The following RNF213 variants were observed in gnomAD, a reference collection of about 807,000 sequenced individuals.
The protein encoded by RNF213 is ring finger protein 213, also known as E3 ubiquitin-protein ligase RNF213.
A neutral mutation model predicts 514.4 loss-of-function variants in RNF213; 341 were observed. The ratio of observed to expected loss-of-function variants is 0.66; its 90% CI spans 0.61 to 0.73. RNF213 has a LOEUF of 0.73. RNF213 is among the 30% of genes least tolerant of loss of function. The pLI, the probability that RNF213 is intolerant of heterozygous loss-of-function variation, is 0.00. For missense variants in RNF213, 5,767 were observed against 6,615.6 expected, an observed-to-expected ratio of 0.87 and a Z score of 4.45; for synonymous variants, 2,655 against 2,658.2, an observed-to-expected ratio of 1.00 and a Z score of 0.04.
In RNF213 at chr17:80,334,089, G is replaced by C; in HGVS notation, c.4144-16G>C. ...GGTTAATGAGTTCCAGTCCACAGTA[G>C]AGCTTTTTCTTGCAGACTGATAACT... On this transcript the variant is annotated splice_polypyrimidine_tract_variant and intron_variant, in intron 21 of 67. Coordinates refer to ENST00000582970, the MANE Select transcript of RNF213 (RefSeq NM_001256071.3). The C allele has an allele frequency of 6.5e-7, 1 of 1,537,124 alleles. No homozygotes were observed. Among genetic ancestry groups the C allele is most frequent in the African/African-American group, 1.4e-5 (1 of 73,156 alleles).
At chr17:80,310,631 C>T (rs967378672) in intron 14 of RNF213, among the ~76,000 whole-genome samples, 2 of 152,018 alleles carry the variant, frequency 1.3e-5, no homozygotes, top group South Asian at 4.2e-4. Flanking sequence ...CGGCTCACCA[C>T]AACCTCCGCC....
chr17:80,386,841 C>T lies in RNF213; in HGVS notation c.14872C>T (p.Arg4958Trp), dbSNP rs1048620695. The T allele has an allele frequency of 5.0e-6, 8 of 1,614,066 alleles. No homozygotes were observed. The highest frequency in any genetic ancestry group is 6.8e-6 in the Non-Finnish European group (8 of 1,180,030). ...GGAGTTCGATCTGGAGAAGATTCAG[C>T]GGCAGATCGTCAGCCGCTTCCTCCA... ...VQEFDLEKIQ[R>W]QIVSRFLQGK... Residue 4958 changes from arginine to tryptophan, a missense_variant, in exon 63 of 68, where the codon CGG becomes TGG. Around this residue, in one of 13 missense-constraint regions of RNF213, gnomAD observed 1,245 missense variants for 1,339.0 expected, o/e 0.93. Transcript: ENST00000582970.
chr17:80,290,381 ACG>A (rs1462135251), intron 6 of RNF213, among the ~76,000 whole-genome samples, 187 bp from the exon 7 acceptor site: 3 of 143,952 alleles, frequency 2.1e-5, no homozygotes, highest in African/African-American at 7.8e-5. Flanking sequence ...GAGTGCGTGC[ACG>A]TGTGTGCGTG....
chr17:80,294,670 C>T (rs1051709284), intron 8 of RNF213, 50 bp from the exon 9 acceptor site: 4 of 1,606,930 alleles, frequency 2.5e-6, no homozygotes, highest in African/African-American at 1.3e-5. Flanking sequence ...TCTAGGTCTC[C>T]AGGGTTTTGA....
Position 80,376,923 on chromosome 17 carries a change from A to C in RNF213, c.13470A>C (p.Gln4490His). 1 of 1,614,124 alleles carries C rather than the reference A, an allele frequency of 6.2e-7. No individual in the cohort carries two copies. Among genetic ancestry groups the C allele is most frequent in the Non-Finnish European group, 8.5e-7 (1 of 1,180,026 alleles). ...CCATGCCTGAAGACTTGCTGGCTCAAGCTCGGAGGTGGAAGGGTCTGGAGC... is the reference window on the plus strand; with the variant it reads ...CCATGCCTGAAGACTTGCTGGCTCACGCTCGGAGGTGGAAGGGTCTGGAGC... The part of the protein sequence containing the change: ...LPTMPEDLLA[Q>H]ARRWKGLERV... The change falls in exon 53 of 68, where the codon CAA becomes CAC. Residue 4490 changes from glutamine to histidine, a missense_variant. Gln to His is a conservative substitution (Grantham distance 24). Transcript: ENST00000582970.
Position 80,317,097 on chromosome 17 carries a change from T to G in RNF213, c.2812-91T>G. 3 of 1,384,218 alleles carry G rather than the reference T, an allele frequency of 2.2e-6. No homozygotes were observed. The highest frequency in any genetic ancestry group is 3.0e-6 in the Non-Finnish European group (3 of 988,242). The allele number at this position is 1,384,218 out of a possible 1,614,324, so 85.7% of individuals were successfully genotyped here. A position where few individuals can be genotyped will look rare whatever the true frequency, so the allele number is the denominator to read the frequency against. On this transcript the variant is annotated intron_variant, in intron 15 of 67. Coordinates refer to ENST00000582970, the MANE Select transcript of RNF213 (RefSeq NM_001256071.3). The surrounding 1 kb of genome is among the most constrained non-coding windows in gnomAD (Gnocchi z 4.1). ...TTCGCGGAGTCCCGCGCTCTCTGTA[T>G]TGCCGTAATGCTCTGTCTTTCTCCT...
chr17:80,323,265 A>G (rs1388733657), intron 17 of RNF213, among the ~76,000 whole-genome samples: 1 of 152,208 alleles, frequency 6.6e-6, no homozygotes, highest in African/African-American at 2.4e-5. Flanking sequence ...TTGTGTCAGT[A>G]CCACACTGTT....
At chr17:80,381,500 C>G (rs373045873) in intron 56 of RNF213, 47 bp from the exon 57 acceptor site, 24 of 1,604,126 alleles carry the variant, frequency 1.5e-5, no homozygotes, top group Non-Finnish European at 2.0e-5. Context: ...ACCATCTTCT[C>G]TACAAACCAG....
chr17:80,284,221 G>A (rs563091255), intron 3 of RNF213, among the ~76,000 whole-genome samples: 2 of 152,026 alleles, frequency 1.3e-5, no homozygotes, highest in Non-Finnish European at 2.9e-5. Context: ...AAAATTAGCC[G>A]GGCATGATGG....
intron 22 of RNF213, among the ~76,000 whole-genome samples, chr17:80,335,653 G>C (rs953873297): frequency 6.6e-6 from 1 of 152,160 alleles, no homozygotes; most frequent in African/African-American, 2.4e-5. Flanking sequence ...AATTGCTCAG[G>C]AACGGCAAGA....
Position 80,272,723 on chromosome 17 carries a change from G to A in RNF213, c.98-518G>A, listed in dbSNP as rs184401645. The stretch of plus-strand genomic sequence containing the variant: ...AGTGAGTGTGGGGCTGGCAGAGTGG[G>A]TGCTCCATGCTGTCTGCATGGCAGC... On this transcript the variant is annotated intron_variant, in intron 2 of 67. Coordinates refer to ENST00000582970, the MANE Select transcript of RNF213 (RefSeq NM_001256071.3). Among the ~76,000 whole-genome samples the A allele has an allele frequency of 2.1e-3, 314 of 152,266 alleles. 3 individuals carry two copies. The highest frequency in any genetic ancestry group is 6.9e-3 in the African/African-American group (287 of 41,554).
At chr17:80,369,070 C>G (rs931346176) in intron 44 of RNF213, among the ~76,000 whole-genome samples, 1 of 152,124 alleles carries the variant, frequency 6.6e-6, no homozygotes, top group African/African-American at 2.4e-5. Context: ...CTAGCTCTAA[C>G]GGGTGAGAGG....
At chr17:80,265,697 C>T (rs1598875016) in intron 2 of RNF213, among the ~76,000 whole-genome samples, 1 of 152,166 alleles carries the variant, frequency 6.6e-6, no homozygotes, top group African/African-American at 2.4e-5. Flanking sequence ...TGTAGAAAAT[C>T]GAGCACCAGC....
rs1245524478 is a variant in RNF213 at position 80,396,930 on chromosome 17, G to C, written c.*3432G>C. 6.6e-6 allele frequency: 1 copy of C among 152,174 alleles called. No homozygotes were observed. Among genetic ancestry groups the C allele is most frequent in the African/African-American group, 2.4e-5 (1 of 41,402 alleles). 9.4% of individuals were successfully genotyped at this position (152,174 alleles called of 1,614,324 possible). On this transcript the variant is annotated 3_prime_UTR_variant, in exon 68 of 68. Coordinates refer to ENST00000582970, the MANE Select transcript of RNF213 (RefSeq NM_001256071.3). ...GCTCCACCAGGCTGCCCCTGCTCAGGTGCTCCACAGCCCATAAAAAACGCC... is the reference window on the plus strand; with the variant it reads ...GCTCCACCAGGCTGCCCCTGCTCAGCTGCTCCACAGCCCATAAAAAACGCC...
chr17:80,334,223 T>C lies in RNF213; in HGVS notation c.4262T>C (p.Leu1421Pro). 1 of 1,537,272 alleles carries C rather than the reference T, an allele frequency of 6.5e-7. No homozygotes were observed. Residue 1421 changes from leucine to proline, a missense_variant, in exon 22 of 68, where the codon CTG (leucine) becomes CCG (proline). By Grantham distance (98) the Leu-to-Pro change is moderately conservative (BLOSUM62 -3). Around this residue, in one of 13 missense-constraint regions of RNF213, gnomAD observed 516 missense variants for 566.5 expected, o/e 0.91. Coordinates refer to ENST00000582970, the MANE Select transcript of RNF213 (RefSeq NM_001256071.3). ...SEARCKGLQA[L>P]SLRKEFICWV... ...GCCCGGTGCAAGGGGCTGCAGGCTC[T>C]GTCCCTGAGAAAGGAGTTCATCTGC...
In RNF213 at chr17:80,395,046, C is replaced by A. The variant is rs1030757348; in HGVS notation, c.*1548C>A. The A allele has an allele frequency of 1.3e-5, 2 of 152,176 alleles. No individual in the cohort carries two copies. The highest frequency in any genetic ancestry group is 2.9e-5 in the Non-Finnish European group (2 of 68,034). The allele number at this position is 152,176 out of a possible 1,614,324, so 9.4% of individuals were successfully genotyped here. On this transcript the variant is annotated 3_prime_UTR_variant, in exon 68 of 68. Coordinates refer to ENST00000582970, the MANE Select transcript of RNF213 (RefSeq NM_001256071.3). Reference sequence around the variant, plus strand: ...GCAGCTCACACCCAGACTCACTGGCCACACCTCAGCAGGGGGGGAGTCGAG... The same window carrying A: ...GCAGCTCACACCCAGACTCACTGGCAACACCTCAGCAGGGGGGGAGTCGAG...
chr17:80,330,003 GTCA>G (rs2046371136), intron 20 of RNF213, among the ~76,000 whole-genome samples: 1 of 152,174 alleles, frequency 6.6e-6, no homozygotes, highest in South Asian at 2.1e-4. Context: ...TCATCTAACT[GTCA>G]TCATTTTTCT....
chr17:80,383,985 C>A (rs2080128458), intron 59 of RNF213, 57 bp downstream of exon 59: 2 of 1,603,356 alleles, frequency 1.2e-6, no homozygotes, highest in Non-Finnish European at 1.7e-6. Context: ...CCCCAGCAGG[C>A]CTGAAGGCCC....
chr17:80,350,043 C>G, intron 30 of RNF213, 137 bp downstream of exon 30: 1 of 1,016,926 alleles, frequency 9.8e-7, no homozygotes, highest in South Asian at 1.3e-5. Flanking sequence ...TTAAATCTCT[C>G]CCAGCATCCC....
Sources: gnomAD v4.1 joint callset for allele counts (sites outside exome capture counted in the v4.1 genomes callset) on GRCh38, gnomAD v4.1.1 for gene constraint, gnomAD v4.1.1 regional missense constraint, Gnocchi (gnomAD v3.1) non-coding constraint, MANE v1.5 for transcripts, NCBI Gene and HGNC (gene_info 2026-07-23, HGNC 2026-07-21) for gene names.